Variants in CCNG1 observed in about 807,000 individuals in gnomAD.
CCNG1 encodes cyclin G1.
In CCNG1, 13 loss-of-function variants were observed where a neutral mutation model predicts 30.0. That is an observed-to-expected ratio of 0.43 (90% CI 0.28 to 0.69). CCNG1 has a LOEUF of 0.69. CCNG1 is among the 30% of genes least tolerant of loss of function. The pLI is 0.16. For missense variants in CCNG1, 285 were observed against 331.4 expected (o/e 0.86, Z 1.09); for synonymous variants, 110 against 121.5 (o/e 0.91, Z 0.62).
In CCNG1 at chr5:163,441,913, A is replaced by G. The variant is rs373510789; in HGVS notation, c.546A>G (p.Leu182=). The G allele has an allele frequency of 2.1e-4, 342 of 1,608,438 alleles. 1 individual carries two copies. Among genetic ancestry groups the G allele is most frequent in the Non-Finnish European group, 2.7e-4 (314 of 1,175,304 alleles). Reference sequence around the variant, plus strand: ...GAAATAGCATTAATTTTGAAAGACTAGAAGCTCAACTGAAGGCATGTCATT... The same window carrying G: ...GAAATAGCATTAATTTTGAAAGACTGGAAGCTCAACTGAAGGCATGTCATT... ...ERRNSINFER[L]EAQLKACHCR... is the part of the protein sequence containing the mutation. Residue 182 remains leucine (L), a synonymous_variant, in exon 4 of 7, where the codon CTA becomes CTG. Coordinates refer to ENST00000340828, the MANE Select transcript of CCNG1 (RefSeq NM_004060.4).
the CCNG1 span, chr5:163,457,578 C>T: frequency 3.3e-5 from 52 of 1,580,026 alleles, no homozygotes; most frequent in Non-Finnish European, 4.0e-5. Context: ...TCCATGTTCC[C>T]TCATCAGCTA....
downstream of CCNG1, among the ~76,000 whole-genome samples, chr5:163,445,688 G>A (rs986242530): frequency 2.3e-5 from 3 of 130,970 alleles, no homozygotes; most frequent in African/African-American, 8.7e-5. Context: ...AAACTCTTGG[G>A]CTCAAGTGAT....
intron 3 of CCNG1, chr5:163,441,678 T>C (rs948487276): frequency 4.5e-5 from 24 of 533,974 alleles, no homozygotes; most frequent in Middle Eastern, 9.9e-4. Flanking sequence ...TTCATTTTAA[T>C]TTTTTGGCCC....
the CCNG1 span, chr5:163,452,892 C>T: frequency 6.6e-6 from 1 of 152,178 alleles, no homozygotes; most frequent in South Asian, 2.1e-4. Context: ...AAACTAAAGA[C>T]AGCTGACATC....
At position 163,441,231 on chromosome 5, in the gene CCNG1, A is replaced by G; in HGVS notation, c.418A>G (p.Ile140Val). ...TVSDLMRMEK[I>V]VLEKVCWKVK... is the part of the protein sequence containing the mutation. ...TTCAGACTTGATGAGAATGGAAAAG[A>G]TTGTATTGGAGAAGGTGTGTTGGAA... The change falls in exon 3 of 7, where the codon ATT (isoleucine) becomes GTT (valine). Residue 140 changes from isoleucine (I) to valine (V), a missense_variant. By Grantham distance (29) the Ile-to-Val change is conservative. Coordinates refer to ENST00000340828, the MANE Select transcript of CCNG1 (RefSeq NM_004060.4). 1 of 1,614,030 alleles carries G rather than the reference A, an allele frequency of 6.2e-7. No homozygotes were observed. The highest frequency in any genetic ancestry group is 8.5e-7 in the Non-Finnish European group (1 of 1,179,922).
downstream of CCNG1, chr5:163,446,280 T>C (rs1198820166): frequency 6.6e-6 from 1 of 152,248 alleles, no homozygotes; most frequent in African/African-American, 2.4e-5. Flanking sequence ...TTAACATTTG[T>C]GGCTGGCAGT....
the CCNG1 span, chr5:163,453,922 T>C: frequency 1.0e-5 from 11 of 1,059,584 alleles, no homozygotes; most frequent in African/African-American, 4.9e-5. Context: ...TCTGATTAAG[T>C]TGGCAATATC....
chr5:163,457,562 C>CTTTG, the CCNG1 span: 2 of 1,554,278 alleles, frequency 1.3e-6, no homozygotes, highest in South Asian at 2.2e-5. Context: ...TTACCCTTAC[C>CTTTG]CAAAGTCCAT....
At position 163,443,790 on chromosome 5, in the gene CCNG1, A is replaced by G; in HGVS notation, c.*120A>G. ...AGCCTCAAAACATCACGAGATAAGC[A>G]TGATGGTCTCAGACTTGGGAAAACT... On this transcript the variant is annotated 3_prime_UTR_variant, in exon 7 of 7. Transcript: ENST00000340828. 8.8e-7 allele frequency: 1 copy of G among 1,138,876 alleles called. No homozygotes were observed. Among genetic ancestry groups the G allele is most frequent in the Middle Eastern group, 2.8e-4 (1 of 3,624 alleles). 70.5% of individuals were successfully genotyped at this position (1,138,876 alleles called of 1,614,324 possible). A position where few individuals can be genotyped will look rare whatever the true frequency, so the allele number is the denominator to read the frequency against.
downstream of CCNG1, chr5:163,448,291 T>C (rs1221135282): frequency 6.6e-6 from 1 of 151,206 alleles, no homozygotes; most frequent in Non-Finnish European, 1.5e-5. Context: ...AGCAGTAAAA[T>C]TGATAAACCT....
chr5:163,447,876 A>G (rs558256841), downstream of CCNG1: 34 of 152,368 alleles, frequency 2.2e-4, no homozygotes, highest in African/African-American at 8.2e-4. Flanking sequence ...ATATTTTAAA[A>G]TAAATGAAAA....
At chr5:163,443,243 C>A (rs2069363) in intron 6 of CCNG1, among the ~76,000 whole-genome samples, 1 of 147,308 alleles carries the variant, frequency 6.8e-6, no homozygotes, top group Non-Finnish European at 1.5e-5. Flanking sequence ...ACCCGGGAGG[C>A]GGAGTTTGCA....
chr5:163,454,083 A>C, the CCNG1 span: 1 of 1,186,312 alleles, frequency 8.4e-7, no homozygotes, highest in Non-Finnish European at 1.2e-6. Context: ...TAATGAAATA[A>C]AACTTATAAG....
At chr5:163,455,621 G>A in the CCNG1 span, among the ~76,000 whole-genome samples, 12 of 152,032 alleles carry the variant, frequency 7.9e-5, no homozygotes, top group Admixed American at 3.9e-4. Flanking sequence ...AAAATTAGCC[G>A]TGCGTGGTGG....
chr5:163,452,213 T>C, the CCNG1 span: 1 of 152,180 alleles, frequency 6.6e-6, no homozygotes, highest in East Asian at 1.9e-4. Context: ...TGCAGAAATA[T>C]AGATGTAAAG....
chr5:163,453,896 T>G, the CCNG1 span: 1 of 761,640 alleles, frequency 1.3e-6, no homozygotes, highest in Non-Finnish European at 2.0e-6. Flanking sequence ...TTTTCTTCCA[T>G]TACATAATCT....
intron 2 of CCNG1, 36 bp downstream of exon 2, chr5:163,439,556 G>T: frequency 1.3e-6 from 2 of 1,577,164 alleles, no homozygotes; most frequent in Non-Finnish European, 1.7e-6. Flanking sequence ...ATTTTGCTCA[G>T]TGTGTTTTGG....
chr5:163,439,444 C>T lies in CCNG1; in HGVS notation c.188C>T (p.Thr63Ile), dbSNP rs1757695006. The change falls in exon 2 of 7, where the codon ACT becomes ATT. Residue 63 changes from threonine (T) to isoleucine (I), a missense_variant. Coordinates refer to ENST00000340828, the MANE Select transcript of CCNG1 (RefSeq NM_004060.4). ...GAAGTAAAAGATCTTCTTAGTCTAA[C>T]TCAGTTCTTTGGCTTTGACACAGAG... ...DFEVKDLLSL[T>I]QFFGFDTETF... is the part of the protein sequence containing the mutation. The T allele has an allele frequency of 3.7e-6, 6 of 1,613,872 alleles. No homozygotes were observed. Among genetic ancestry groups the T allele is most frequent in the Non-Finnish European group, 5.1e-6 (6 of 1,179,756 alleles).
intron 3 of CCNG1, 174 bp from the exon 4 acceptor site, chr5:163,441,712 G>C (rs1407355638): frequency 3.5e-6 from 2 of 567,098 alleles, no homozygotes; most frequent in East Asian, 5.9e-5. Flanking sequence ...CTCCCATATG[G>C]TGCCTTTAGA....
Sources: gnomAD v4.1 joint callset for allele counts (sites outside exome capture counted in the v4.1 genomes callset) on GRCh38, gnomAD v4.1.1 for gene constraint, MANE v1.5 for transcripts, NCBI Gene and HGNC (gene_info 2026-07-23, HGNC 2026-07-21) for gene names.